The following COL22A1 variants were observed in gnomAD, a reference collection of about 807,000 sequenced individuals.
The protein encoded by COL22A1 is collagen alpha-1(XXII) chain.
In COL22A1, 221 loss-of-function variants were observed where a neutral mutation model predicts 248.9. The ratio of observed to expected loss-of-function variants is 0.89; its 90% CI spans 0.80 to 0.99. The LOEUF (loss-of-function observed/expected upper bound fraction) is 0.99, where lower values mean the gene tolerates loss of function less well. Ranked by LOEUF, COL22A1 falls within the 50% of genes least tolerant of loss-of-function variation. The probability of loss-of-function intolerance (pLI) is 0.00; values close to 1 mark genes in which losing one functional copy is unlikely to be tolerated. For missense variants in COL22A1, 2,240 were observed against 2,179.0 expected (o/e 1.03, Z -0.56); for synonymous variants, 891 against 793.4 (o/e 1.12, Z -2.07).
intron 3 of COL22A1, among the ~76,000 whole-genome samples, chr8:138,845,716 G>T: frequency 6.6e-6 from 1 of 152,014 alleles, no homozygotes; most frequent in Non-Finnish European, 1.5e-5. Flanking sequence ...CCTGTGGCAT[G>T]GGAGATATTA....
chr8:138,692,045 GGT>G (rs767960506), intron 35 of COL22A1, among the ~76,000 whole-genome samples: 5 of 122,888 alleles, frequency 4.1e-5, no homozygotes, highest in Non-Finnish European at 8.5e-5. Context: ...CATTTGTGAA[GGT>G]GTGTGTGTGC....
At chr8:138,750,038 C>T (rs756667306) in intron 22 of COL22A1, among the ~76,000 whole-genome samples, 8 of 152,158 alleles carry the variant, frequency 5.3e-5, no homozygotes, top group Non-Finnish European at 1.0e-4. Flanking sequence ...AGTAAATGAG[C>T]CTCAGAAGAG....
intron 1 of COL22A1, among the ~76,000 whole-genome samples, chr8:138,907,176 G>A (rs1469755046): frequency 6.6e-6 from 1 of 152,166 alleles, no homozygotes; most frequent in Non-Finnish European, 1.5e-5. Flanking sequence ...ATCACAGTGT[G>A]GGGCTCTCCA....
intron 46 of COL22A1, 140 bp from the exon 47 acceptor site, chr8:138,646,822 G>A (rs1822244117): frequency 1.6e-6 from 1 of 611,204 alleles, no homozygotes; most frequent in African/African-American, 1.9e-5. Flanking sequence ...CCTGCCCCTA[G>A]CCTGTCTGAG....
intron 50 of COL22A1, 92 bp downstream of exon 50, chr8:138,630,603 C>G: frequency 1.9e-6 from 2 of 1,029,406 alleles, no homozygotes; most frequent in Non-Finnish European, 3.1e-6. Context: ...CCACAGGAGG[C>G]ACACAGGACA....
At chr8:138,607,012 G>A (rs1202332614) in intron 57 of COL22A1, among the ~76,000 whole-genome samples, 1 of 152,150 alleles carries the variant, frequency 6.6e-6, no homozygotes, top group Non-Finnish European at 1.5e-5. Flanking sequence ...CCCTGAGGGA[G>A]GTCATTATGT....
Position 138,619,454 on chromosome 8 carries a change from C to A in COL22A1, c.3825+1G>T. On this transcript the variant is annotated splice_donor_variant, in intron 53 of 64. Coordinates refer to ENST00000303045, the MANE Select transcript of COL22A1 (RefSeq NM_152888.3). LOFTEE classifies it high-confidence loss of function. ...GTTCCCCACACACACTACACACTTACAGGTGGGCCTCGGGCACCCTCTGGT... is the reference window on the plus strand; with the variant it reads ...GTTCCCCACACACACTACACACTTAAAGGTGGGCCTCGGGCACCCTCTGGT... 2 of 1,613,988 alleles carry A rather than the reference C, an allele frequency of 1.2e-6. No homozygotes were observed. The highest frequency in any genetic ancestry group is 1.7e-6 in the Non-Finnish European group (2 of 1,179,824).
At chr8:138,654,855 A>G (rs1823086684) in intron 45 of COL22A1, among the ~76,000 whole-genome samples, 3 of 152,144 alleles carry the variant, frequency 2.0e-5, no homozygotes, top group Non-Finnish European at 4.4e-5. Flanking sequence ...CTCGTGGGAA[A>G]AGCAAATGTG....
chr8:138,839,368 C>T (rs1820692170), intron 4 of COL22A1, among the ~76,000 whole-genome samples: 1 of 152,140 alleles, frequency 6.6e-6, no homozygotes, highest in South Asian at 2.1e-4. Context: ...TTGTCGGCTC[C>T]ATCGGCGAGT....
intron 56 of COL22A1, among the ~76,000 whole-genome samples, chr8:138,608,387 T>C (rs987568976): frequency 3.3e-5 from 5 of 152,188 alleles, no homozygotes; most frequent in Non-Finnish European, 5.9e-5. Context: ...ACTGCCACAG[T>C]GCTGGTCTCA....
chr8:138,805,679 T>C (rs1007813967), intron 10 of COL22A1, among the ~76,000 whole-genome samples: 4 of 137,258 alleles, frequency 2.9e-5, no homozygotes, highest in African/African-American at 1.1e-4. Context: ...CTGTGTGTGA[T>C]GGTATGTGTT....
chr8:138,810,270 C>CT (rs2131687517), intron 9 of COL22A1, among the ~76,000 whole-genome samples: 1 of 152,340 alleles, frequency 6.6e-6, no homozygotes, highest in Non-Finnish European at 1.5e-5. Flanking sequence ...TCTGGCATCG[C>CT]TCCTGGCACA....
At chr8:138,882,346 C>G (rs1291492926) in intron 2 of COL22A1, among the ~76,000 whole-genome samples, 1 of 150,740 alleles carries the variant, frequency 6.6e-6, no homozygotes, top group Non-Finnish European at 1.5e-5. Flanking sequence ...ACACACTTCC[C>G]CACACACTCC....
At chr8:138,790,088 G>A (rs1815893329) in intron 12 of COL22A1, among the ~76,000 whole-genome samples, 1 of 152,082 alleles carries the variant, frequency 6.6e-6, no homozygotes, top group South Asian at 2.1e-4. Context: ...TTGTCTTTTG[G>A]GGCTACCATA....
At chr8:138,808,231 G>T (rs1817896809) in intron 9 of COL22A1, among the ~76,000 whole-genome samples, 1 of 152,068 alleles carries the variant, frequency 6.6e-6, no homozygotes, top group Admixed American at 6.5e-5. Flanking sequence ...AATAATGAAT[G>T]GTAAGTATTT....
At chr8:138,815,067 C>T (rs566224142) in intron 7 of COL22A1, among the ~76,000 whole-genome samples, 34 of 152,290 alleles carry the variant, frequency 2.2e-4, no homozygotes, top group African/African-American at 7.2e-4. Flanking sequence ...CCCTTGCACA[C>T]GCTTTCTCTT....
intron 16 of COL22A1, among the ~76,000 whole-genome samples, chr8:138,769,943 ACC>A (rs1346383091): frequency 1.3e-5 from 2 of 152,100 alleles, no homozygotes; most frequent in East Asian, 3.9e-4. Context: ...GGGACCTTCT[ACC>A]AGGTGCCAAG....
intron 41 of COL22A1, among the ~76,000 whole-genome samples, chr8:138,671,929 A>G (rs1418121806): frequency 2.0e-5 from 3 of 151,822 alleles, no homozygotes; most frequent in Non-Finnish European, 4.4e-5. Context: ...TACATATAAC[A>G]TACAAAACAT....
At chr8:138,912,996 T>A (rs1288447762) in intron 1 of COL22A1, among the ~76,000 whole-genome samples, 1 of 152,128 alleles carries the variant, frequency 6.6e-6, no homozygotes, top group Non-Finnish European at 1.5e-5. Flanking sequence ...CACGAAACTC[T>A]GGTCTGCTAC....
Sources: gnomAD v4.1 joint callset for allele counts (sites outside exome capture counted in the v4.1 genomes callset) on GRCh38, gnomAD v4.1.1 for gene constraint, MANE v1.5 for transcripts, NCBI Gene and HGNC (gene_info 2026-07-23, HGNC 2026-07-21) for gene names.